Variants in GPAM observed in about 807,000 individuals in gnomAD.
GPAM encodes the protein glycerol-3-phosphate acyltransferase 1, mitochondrial.
Under a neutral mutation model 105.0 loss-of-function variants are expected in GPAM, and 56 were observed. The observed-to-expected ratio is 0.53, with a 90% CI of 0.43 to 0.67. The LOEUF (loss-of-function observed/expected upper bound fraction) is 0.67, where lower values mean the gene tolerates loss of function less well. Ranked by LOEUF, GPAM falls within the 30% of genes least tolerant of loss-of-function variation. The pLI is 0.00. For synonymous variants in GPAM, 368 were observed against 354.4 expected, an observed-to-expected ratio of 1.04 and a Z score of -0.43; for missense variants, 855 against 989.8, an observed-to-expected ratio of 0.86 and a Z score of 1.83.
At chr10:112,200,587 C>T (rs928434495) in intron 1 of GPAM, among the ~76,000 whole-genome samples, 3 of 152,006 alleles carry the variant, frequency 2.0e-5, no homozygotes, top group African/African-American at 7.2e-5. Context: ...CAACCATGCC[C>T]GGCTTTGTAA....
At chr10:112,194,676 C>T (rs1047575992) in intron 1 of GPAM, among the ~76,000 whole-genome samples, 5 of 152,258 alleles carry the variant, frequency 3.3e-5, no homozygotes, top group African/African-American at 7.2e-5. Flanking sequence ...TATAACCTGA[C>T]GGCAGATTAT....
At position 112,173,689 on chromosome 10, in the gene GPAM, C is replaced by G. The variant is rs1456559579; in HGVS notation, c.560+10G>C. On this transcript the variant is annotated intron_variant, in intron 7 of 21. Transcript: ENST00000348367. The stretch of plus-strand genomic sequence containing the variant: ...TGTGATTGAAAGCTTTCTGCCTTGC[C>G]TTTTAATACCTGATCATTGCCGGTG... 6.2e-7 allele frequency: 1 copy of G among 1,613,508 alleles called. No homozygotes were observed. Among genetic ancestry groups the G allele is most frequent in the South Asian group, 1.1e-5 (1 of 91,060 alleles).
chr10:112,174,771 T>C (rs1165232779), intron 6 of GPAM, among the ~76,000 whole-genome samples: 17 of 152,166 alleles, frequency 1.1e-4, no homozygotes, highest in Admixed American at 1.1e-3. Context: ...ACCAGGAATG[T>C]TTCTACACGT....
upstream of GPAM, among the ~76,000 whole-genome samples, chr10:112,186,340 CAT>C (rs1222910695): frequency 4.0e-5 from 6 of 151,002 alleles, no homozygotes; most frequent in Admixed American, 1.3e-4. Context: ...AAAATAAAAA[CAT>C]ATTTTGACAT....
In GPAM at chr10:112,202,307, C is replaced by A. The variant is rs79460630; in HGVS notation, n.210+12861G>T. Among the ~76,000 whole-genome samples the A allele has an allele frequency of 8.6e-4, 131 of 152,284 alleles. 1 individual carries two copies. The East Asian group carries it at 0.024, about 28-fold the overall frequency. On this transcript the variant is annotated intron_variant and non_coding_transcript_variant, in intron 1 of 3. Coordinates refer to the GPAM transcript ENST00000480130. ...CAAACAGATAGTGAGCAGTATTTGGCCCAGGAGCCATAGTTACCAATCTCT... is the reference window on the plus strand; with the variant it reads ...CAAACAGATAGTGAGCAGTATTTGGACCAGGAGCCATAGTTACCAATCTCT...
intron 1 of GPAM, among the ~76,000 whole-genome samples, chr10:112,188,978 C>G (rs1227241160): frequency 6.6e-6 from 1 of 152,150 alleles, no homozygotes; most frequent in African/African-American, 2.4e-5. Flanking sequence ...TTCAGAGGCT[C>G]CCTTTCAGAC....
At position 112,152,449 on chromosome 10, in the gene GPAM, C is replaced by T. The variant is rs1196708988; in HGVS notation, c.*1101G>A. ...CTCAAAGCTAAAAATCCATAAATGC[C>T]TCTAACCATTACCAGTCAGTAGGGC... On this transcript the variant is annotated 3_prime_UTR_variant, in exon 22 of 22. Transcript: ENST00000348367. The T allele has an allele frequency of 1.0e-6, 1 of 985,246 alleles. No individual in the cohort carries two copies. Among genetic ancestry groups the T allele is most frequent in the African/African-American group, 1.7e-5 (1 of 57,214 alleles). 61.0% of individuals were successfully genotyped at this position (985,246 alleles called of 1,614,324 possible).
At chr10:112,174,340 CA>C (rs1466181438) in intron 6 of GPAM, among the ~76,000 whole-genome samples, 1 of 152,132 alleles carries the variant, frequency 6.6e-6, no homozygotes, top group Non-Finnish European at 1.5e-5. Flanking sequence ...TAAATATTTA[CA>C]AATTTTTTCA....
At chr10:112,166,670 C>T (rs145110673) in intron 11 of GPAM, among the ~76,000 whole-genome samples, 155 bp from the exon 12 acceptor site, 13 of 152,254 alleles carry the variant, frequency 8.5e-5, no homozygotes, top group African/African-American at 2.4e-4. Flanking sequence ...TCATTAACTG[C>T]GGCCTGTCAG....
chr10:112,175,402 A>G (rs1847384653), intron 6 of GPAM, among the ~76,000 whole-genome samples, 198 bp downstream of exon 6: 1 of 152,208 alleles, frequency 6.6e-6, no homozygotes, highest in Admixed American at 6.5e-5. Flanking sequence ...CTATTCCCAC[A>G]TGGCACTGTC....
chr10:112,212,026 G>A (rs1007703636), intron 1 of GPAM, among the ~76,000 whole-genome samples: 4 of 152,110 alleles, frequency 2.6e-5, no homozygotes, highest in Admixed American at 6.6e-5. Flanking sequence ...GACTAAGGGC[G>A]GCCCAAAGCA....
chr10:112,188,654 A>C (rs1397351719), upstream of GPAM, among the ~76,000 whole-genome samples: 1 of 152,132 alleles, frequency 6.6e-6, no homozygotes, highest in African/African-American at 2.4e-5. Context: ...ATGCACATGT[A>C]CCTCTGTGTA....
chr10:112,157,476 T>C, intron 18 of GPAM, 87 bp from the exon 19 acceptor site: 1 of 1,187,480 alleles, frequency 8.4e-7, no homozygotes, highest in Non-Finnish European at 1.2e-6. Context: ...GCAGTCCTCT[T>C]CTCTGACCCT....
At chr10:112,204,153 G>T (rs1020333676) in intron 1 of GPAM, among the ~76,000 whole-genome samples, 1 of 152,132 alleles carries the variant, frequency 6.6e-6, no homozygotes, top group African/African-American at 2.4e-5. Context: ...ATGGTAGAAG[G>T]TCCCTTGTCC....
At chr10:112,170,013 T>C (rs1444012740) in intron 9 of GPAM, among the ~76,000 whole-genome samples, 1 of 152,236 alleles carries the variant, frequency 6.6e-6, no homozygotes, top group East Asian at 1.9e-4. Context: ...CTAGTGATTC[T>C]ACATTATGAT....
chr10:112,185,823 A>T (rs1415956479), upstream of GPAM, among the ~76,000 whole-genome samples: 1 of 152,062 alleles, frequency 6.6e-6, no homozygotes, highest in Non-Finnish European at 1.5e-5. Flanking sequence ...TGTGATAGAA[A>T]CTATCCAAAA....
rs1391445434 is a variant in GPAM at position 112,152,300 on chromosome 10, C to T, written c.*1250G>A. 3 of 983,662 alleles carry T rather than the reference C, an allele frequency of 3.0e-6. No individual in the cohort carries two copies. The highest frequency in any genetic ancestry group is 2.4e-6 in the Non-Finnish European group (2 of 828,344). The allele number at this position is 983,662 out of a possible 1,614,324, so 60.9% of individuals were successfully genotyped here. On this transcript the variant is annotated 3_prime_UTR_variant, in exon 22 of 22. Coordinates refer to ENST00000348367, the MANE Select transcript of GPAM (RefSeq NM_001244949.2). ...TTACCATAATAAACCAATAATTATG[C>T]TCCCTGCTCACAAAAGGCACCTACC...
At chr10:112,175,164 A>T (rs1847380848) in intron 6 of GPAM, among the ~76,000 whole-genome samples, 1 of 152,194 alleles carries the variant, frequency 6.6e-6, no homozygotes, top group Non-Finnish European at 1.5e-5. Context: ...TCATTCTGTT[A>T]AGATTTCTAG....
chr10:112,192,580 G>C (rs1321646458), intron 1 of GPAM, among the ~76,000 whole-genome samples: 7 of 152,186 alleles, frequency 4.6e-5, no homozygotes, highest in African/African-American at 1.7e-4. Flanking sequence ...GAAGAGCACA[G>C]GCCAAAGCCC....
Sources: allele counts gnomAD v4.1 joint callset (sites outside exome capture counted in the v4.1 genomes callset), GRCh38; gene constraint gnomAD v4.1.1; transcripts MANE v1.5; gene names NCBI Gene and HGNC (gene_info 2026-07-23, HGNC 2026-07-21).